The following IFT74 variants were observed in gnomAD, a reference collection of about 807,000 sequenced individuals.
IFT74 encodes the protein intraflagellar transport protein 74 homolog.
IFT74 carries 92 observed loss-of-function variants against 96.7 expected under a neutral mutation model. The ratio of observed to expected loss-of-function variants is 0.95; its 90% CI spans 0.80 to 1.13. The LOEUF (loss-of-function observed/expected upper bound fraction) is 1.13. Among genes scored for constraint, IFT74 ranks in the 50% most tolerant of loss-of-function variants. IFT74 has a pLI of 0.00. For synonymous variants in IFT74, 223 were observed against 213.2 expected, an observed-to-expected ratio of 1.05 and a Z score of -0.40; for missense variants, 811 against 698.2, an observed-to-expected ratio of 1.16 and a Z score of -1.82.
At position 27,036,435 on chromosome 9, in the gene IFT74, G is replaced by A. The variant is rs375567367; in HGVS notation, c.1054+7331G>A. On this transcript the variant is annotated intron_variant, in intron 13 of 19. Transcript: ENST00000380062. ...TATAGTCAATTCTTTGTACCCACGG[G>A]TTCTTCATCTGCAGATCCTACCAAC... is the stretch of plus-strand genomic sequence containing the variant. 4 of 1,612,874 alleles carry A rather than the reference G, an allele frequency of 2.5e-6. No individual in the cohort carries two copies. In the African/African-American group the frequency reaches 5.3e-5, roughly 22 times the overall value.
At chr9:27,007,667 A>G (rs1828861663) in intron 8 of IFT74, among the ~76,000 whole-genome samples, 1 of 152,158 alleles carries the variant, frequency 6.6e-6, no homozygotes, top group Non-Finnish European at 1.5e-5. Flanking sequence ...TGTTTATTCT[A>G]GTAGTAGGAT....
At chr9:27,012,718 T>TTTTTTG (rs1829152147) in intron 10 of IFT74, among the ~76,000 whole-genome samples, 2 of 137,204 alleles carry the variant, frequency 1.5e-5, no homozygotes, top group East Asian at 4.6e-4. Context: ...GTTTTTTTTT[T>TTTTTTG]TTTTTTTTTT....
At chr9:27,019,869 T>C (rs1829515430) in intron 12 of IFT74, among the ~76,000 whole-genome samples, 1 of 152,160 alleles carries the variant, frequency 6.6e-6, no homozygotes, top group African/African-American at 2.4e-5. Flanking sequence ...AAAACAGCTT[T>C]ACCATTTTAC....
At chr9:26,980,930 A>G (rs1183777142) in intron 4 of IFT74, among the ~76,000 whole-genome samples, 1 of 152,170 alleles carries the variant, frequency 6.6e-6, no homozygotes, top group Non-Finnish European at 1.5e-5. Context: ...GGTAACTTAT[A>G]GGAATTTATT....
At chr9:27,017,620 T>C (rs1829410466) in intron 11 of IFT74, among the ~76,000 whole-genome samples, 1 of 152,238 alleles carries the variant, frequency 6.6e-6, no homozygotes, top group Non-Finnish European at 1.5e-5. Flanking sequence ...GATAATCTTT[T>C]TGAAGATATG....
intron 13 of IFT74, among the ~76,000 whole-genome samples, chr9:27,037,333 A>G (rs951879930): frequency 3.3e-5 from 5 of 152,152 alleles, no homozygotes; most frequent in East Asian, 1.9e-4. Context: ...ATGAAAAAGC[A>G]TTTAGCCTTT....
intron 9 of IFT74, among the ~76,000 whole-genome samples, chr9:27,010,758 G>A (rs1829031011): frequency 6.6e-6 from 1 of 152,064 alleles, no homozygotes; most frequent in South Asian, 2.1e-4. Flanking sequence ...GTGAGCCACT[G>A]TGCCCGGCCG....
chr9:27,042,418 A>G (rs1819522275), intron 13 of IFT74, among the ~76,000 whole-genome samples: 1 of 152,150 alleles, frequency 6.6e-6, no homozygotes. Context: ...AAAATAAAAC[A>G]TAGAGGAAAA....
At chr9:26,948,615 C>T (rs761388446) in intron 1 of IFT74, among the ~76,000 whole-genome samples, 29 of 151,458 alleles carry the variant, frequency 1.9e-4, no homozygotes, top group Admixed American at 4.6e-4. Context: ...TACAGGAGCG[C>T]GCCACCATGC....
intron 2 of IFT74, 109 bp downstream of exon 2, chr9:26,962,196 T>C (rs1343527099): frequency 1.1e-6 from 1 of 943,382 alleles, no homozygotes; most frequent in South Asian, 1.7e-5. Flanking sequence ...GCACCCCAGT[T>C]TTTGAGTTTT....
chr9:26,967,990 C>G (rs1826699980), intron 2 of IFT74, among the ~76,000 whole-genome samples: 1 of 149,802 alleles, frequency 6.7e-6, no homozygotes, highest in African/African-American at 2.4e-5. Context: ...TTTGCTGGTA[C>G]TTTGTTGAGG....
At chr9:26,967,657 C>A (rs959856360) in intron 2 of IFT74, among the ~76,000 whole-genome samples, 1 of 152,050 alleles carries the variant, frequency 6.6e-6, no homozygotes, top group Admixed American at 6.6e-5. Context: ...AAGTGGGCAT[C>A]CTTGTTGTGT....
In IFT74 at chr9:26,958,902, G is replaced by C. The variant is rs1216627575; in HGVS notation, c.-20+2386G>C. Among the ~76,000 whole-genome samples, 10 of 152,184 alleles carry C rather than the reference G, an allele frequency of 6.6e-5. No homozygotes were observed. The East Asian group carries it at 1.5e-3, about 24-fold the overall frequency. On this transcript the variant is annotated intron_variant, in intron 1 of 19. Coordinates refer to ENST00000380062, the MANE Select transcript of IFT74 (RefSeq NM_025103.4). ...GCTCTATATAAGGACAGATCAAGGAGACAGAAAAAAGAACCAGAAGAGAGG... is the reference window on the plus strand; with the variant it reads ...GCTCTATATAAGGACAGATCAAGGACACAGAAAAAAGAACCAGAAGAGAGG...
chr9:26,979,018 T>A (rs1180642873), intron 3 of IFT74, among the ~76,000 whole-genome samples: 3 of 152,154 alleles, frequency 2.0e-5, no homozygotes, highest in Non-Finnish European at 4.4e-5. Context: ...GTGAGCTGTT[T>A]CAGAGTTTTT....
intron 12 of IFT74, among the ~76,000 whole-genome samples, chr9:27,026,640 G>T (rs1262000950): frequency 6.6e-6 from 1 of 152,066 alleles, no homozygotes; most frequent in East Asian, 1.9e-4. Flanking sequence ...GACCACAGTG[G>T]AATAAAACTG....
chr9:27,049,029 G>T (rs913158567), intron 16 of IFT74, among the ~76,000 whole-genome samples: 3 of 152,036 alleles, frequency 2.0e-5, no homozygotes, highest in Admixed American at 6.6e-5. Flanking sequence ...TTCTCTGTGA[G>T]TTCACGCAAG....
At chr9:26,980,899 A>G (rs934352575) in intron 4 of IFT74, among the ~76,000 whole-genome samples, 1 of 152,230 alleles carries the variant, frequency 6.6e-6, no homozygotes, top group African/African-American at 2.4e-5. Context: ...TTGTGCTGCT[A>G]TAATAAAATA....
chr9:26,996,155 G>A (rs991060034), intron 8 of IFT74, among the ~76,000 whole-genome samples: 1 of 152,168 alleles, frequency 6.6e-6, no homozygotes, highest in African/African-American at 2.4e-5. Flanking sequence ...GTAACTAGCA[G>A]AGCCTAGTTT....
In IFT74 at chr9:26,984,297, C is replaced by G; in HGVS notation, c.346C>G (p.Gln116Glu). 6.3e-7 allele frequency: 1 copy of G among 1,576,270 alleles called. No individual in the cohort carries two copies. Among genetic ancestry groups the G allele is most frequent in the East Asian group, 2.3e-5 (1 of 44,210 alleles). ...SELTTEVNKL[Q>E]KGIEMYNQEN... Reference sequence around the variant, plus strand: ...ACTTACAACTGAAGTTAATAAACTTCAGAAGGGAATAGAAATGTACAATCA... The same window carrying G: ...ACTTACAACTGAAGTTAATAAACTTGAGAAGGGAATAGAAATGTACAATCA... The change falls in exon 5 of 20, where the codon CAG (glutamine) becomes GAG (glutamate). Residue 116 changes from glutamine (Q) to glutamate (E), a missense_variant. Gln to Glu is a conservative substitution (Grantham distance 29). Coordinates refer to ENST00000380062, the MANE Select transcript of IFT74 (RefSeq NM_025103.4).
Sources: gnomAD v4.1 joint callset for allele counts (sites outside exome capture counted in the v4.1 genomes callset) on GRCh38, gnomAD v4.1.1 for gene constraint, MANE v1.5 for transcripts, NCBI Gene and HGNC (gene_info 2026-07-23, HGNC 2026-07-21) for gene names.